The following EPB41L4A variants were observed in gnomAD, a reference collection of about 807,000 sequenced individuals.
EPB41L4A encodes the protein band 4.1-like protein 4A.
In EPB41L4A, 100 loss-of-function variants were observed where a neutral mutation model predicts 108.6. The observed-to-expected ratio is 0.92, with a 90% CI of 0.78 to 1.09. The LOEUF (loss-of-function observed/expected upper bound fraction) is 1.09, where lower values mean the gene tolerates loss of function less well. Ranked by LOEUF, EPB41L4A falls within the 50% of genes least tolerant of loss-of-function variation. The pLI is 0.00. For missense variants in EPB41L4A, 1,030 were observed against 842.7 expected, an observed-to-expected ratio of 1.22 and a Z score of -2.75; for synonymous variants, 319 against 289.0, an observed-to-expected ratio of 1.10 and a Z score of -1.05.
chr5:112,402,412 C>CTGTCTTTCACT (rs1332729503), intron 1 of EPB41L4A, among the ~76,000 whole-genome samples: 2 of 152,064 alleles, frequency 1.3e-5, no homozygotes, highest in African/African-American at 4.8e-5. Flanking sequence ...AGAGGAATGC[C>CTGTCTTTCACT]TGTCTTTCAC....
chr5:112,395,303 C>T (rs1221678557), intron 1 of EPB41L4A, among the ~76,000 whole-genome samples: 1 of 152,188 alleles, frequency 6.6e-6, no homozygotes, highest in Non-Finnish European at 1.5e-5. Context: ...TCAGAGTGAA[C>T]AGGCAACCTA....
intron 18 of EPB41L4A, among the ~76,000 whole-genome samples, chr5:112,172,337 C>T (rs536136591): frequency 6.6e-6 from 1 of 152,088 alleles, no homozygotes; most frequent in South Asian, 2.1e-4. Context: ...ATGGCAAAAC[C>T]CCATCTCTAC....
intron 1 of EPB41L4A, among the ~76,000 whole-genome samples, chr5:112,320,028 T>A (rs1755672186): frequency 6.6e-6 from 1 of 152,248 alleles, no homozygotes; most frequent in Admixed American, 6.5e-5. Context: ...TCTAAAGAGT[T>A]GTTTGTATTA....
chr5:112,170,812 G>T, intron 19 of EPB41L4A, 133 bp downstream of exon 19: 2 of 750,370 alleles, frequency 2.7e-6, no homozygotes, highest in Non-Finnish European at 4.5e-6. Flanking sequence ...TGCTCCATGT[G>T]CCTGCCACAC....
intron 1 of EPB41L4A, among the ~76,000 whole-genome samples, chr5:112,340,765 G>T (rs1193734318): frequency 6.6e-6 from 1 of 152,074 alleles, no homozygotes; most frequent in Non-Finnish European, 1.5e-5. Context: ...ATTTAAAAAG[G>T]ACGTATATTG....
At chr5:112,279,321 G>A (rs998994410) in intron 3 of EPB41L4A, among the ~76,000 whole-genome samples, 39 of 152,146 alleles carry the variant, frequency 2.6e-4, no homozygotes, top group African/African-American at 8.9e-4. Context: ...ATGGAGCATC[G>A]CACAACCAAT....
At chr5:112,245,341 C>T (rs1750127500) in intron 9 of EPB41L4A, among the ~76,000 whole-genome samples, 1 of 152,082 alleles carries the variant, frequency 6.6e-6, no homozygotes, top group African/African-American at 2.4e-5. Context: ...AAACATAAAA[C>T]AATCAATGCA....
intron 9 of EPB41L4A, among the ~76,000 whole-genome samples, chr5:112,253,549 A>G (rs888149097): frequency 1.3e-5 from 2 of 152,222 alleles, no homozygotes; most frequent in Non-Finnish European, 2.9e-5. Flanking sequence ...GCTAGATGGT[A>G]AAAGTATTAT....
chr5:112,418,074 A>C (rs1464351508), intron 1 of EPB41L4A, among the ~76,000 whole-genome samples: 2 of 152,196 alleles, frequency 1.3e-5, no homozygotes, highest in East Asian at 1.9e-4. Context: ...CCTTCACCAG[A>C]CTCAGCTGTT....
intron 12 of EPB41L4A, among the ~76,000 whole-genome samples, chr5:112,146,695 C>G (rs1004672555): frequency 6.6e-6 from 1 of 152,170 alleles, no homozygotes; most frequent in Admixed American, 6.5e-5. Context: ...ACCAGTCGAG[C>G]TGCCTAACCA....
intron 15 of EPB41L4A, among the ~76,000 whole-genome samples, chr5:112,196,511 A>C (rs1374932878): frequency 1.3e-5 from 2 of 152,158 alleles, no homozygotes; most frequent in Non-Finnish European, 2.9e-5. Context: ...CAATAAGACT[A>C]TCTATTGACC....
At chr5:112,310,985 G>A (rs1580660593) in intron 1 of EPB41L4A, among the ~76,000 whole-genome samples, 1 of 152,226 alleles carries the variant, frequency 6.6e-6, no homozygotes, top group South Asian at 2.1e-4. Flanking sequence ...CAGTAGAAAT[G>A]ACTGATTCCT....
intron 13 of EPB41L4A, among the ~76,000 whole-genome samples, chr5:112,209,433 C>A (rs1248971668): frequency 6.6e-6 from 1 of 152,226 alleles, no homozygotes; most frequent in Admixed American, 6.5e-5. Flanking sequence ...AGTCTTCATA[C>A]ATATGCAATC....
At chr5:112,347,843 G>A (rs1024355301) in intron 1 of EPB41L4A, among the ~76,000 whole-genome samples, 1 of 152,138 alleles carries the variant, frequency 6.6e-6, no homozygotes, top group Non-Finnish European at 1.5e-5. Context: ...CTCCGGTCCA[G>A]CTACCCAGCC....
chr5:112,315,625 A>G (rs1042786294), intron 1 of EPB41L4A, among the ~76,000 whole-genome samples: 2 of 152,216 alleles, frequency 1.3e-5, no homozygotes, highest in African/African-American at 4.8e-5. Context: ...TCAGTGACAT[A>G]TAATTCCAAT....
intron 1 of EPB41L4A, among the ~76,000 whole-genome samples, chr5:112,355,288 A>C (rs1758294186): frequency 6.6e-6 from 1 of 152,256 alleles, no homozygotes; most frequent in Non-Finnish European, 1.5e-5. Context: ...AAATTAAGCA[A>C]TGCAGTGCAT....
At chr5:112,369,092 G>C (rs767156178) in intron 1 of EPB41L4A, among the ~76,000 whole-genome samples, 2 of 151,992 alleles carry the variant, frequency 1.3e-5, no homozygotes, top group Non-Finnish European at 2.9e-5. Flanking sequence ...TAGTATTATC[G>C]GCTCAACACA....
At chr5:112,410,788 T>C (rs1350704887) in intron 1 of EPB41L4A, among the ~76,000 whole-genome samples, 1 of 152,178 alleles carries the variant, frequency 6.6e-6, no homozygotes, top group Non-Finnish European at 1.5e-5. Flanking sequence ...GGAAGTCTGC[T>C]GGAGGACTTC....
intron 12 of EPB41L4A, among the ~76,000 whole-genome samples, chr5:112,151,936 T>G (rs990971284): frequency 6.6e-6 from 1 of 152,158 alleles, no homozygotes; most frequent in Non-Finnish European, 1.5e-5. Flanking sequence ...TTCACCATGT[T>G]GGCCAGGCTG....
Sources: gnomAD v4.1 joint callset for allele counts (sites outside exome capture counted in the v4.1 genomes callset) on GRCh38, gnomAD v4.1.1 for gene constraint, MANE v1.5 for transcripts, NCBI Gene and HGNC (gene_info 2026-07-23, HGNC 2026-07-21) for gene names.